Variants in DCAF1 observed in about 807,000 individuals in gnomAD.
DCAF1 encodes DDB1 and CUL4 associated factor 1.
In DCAF1, 15 loss-of-function variants were observed where a neutral mutation model predicts 128.0. The observed-to-expected ratio is 0.12, with a 90% confidence interval of 0.08 to 0.18. The LOEUF is 0.18. DCAF1 is among the 10% of genes least tolerant of loss of function. DCAF1 has a pLI of 1.00. For missense variants in DCAF1, 988 were observed against 1,649.5 expected (o/e 0.60, Z 6.95); for synonymous variants, 610 against 603.0 (o/e 1.01, Z -0.17).
Position 51,441,829 on chromosome 3 carries a change from C to T in DCAF1, c.582G>A (p.Lys194=), listed in dbSNP as rs1553638901. 1.2e-6 allele frequency: 2 copies of T among 1,613,538 alleles called. No individual in the cohort carries two copies. Among genetic ancestry groups the T allele is most frequent in the South Asian group, 1.1e-5 (1 of 91,080 alleles). The change falls in exon 8 of 25, where the codon AAG becomes AAA. Residue 194 remains lysine (K), a synonymous_variant. Coordinates refer to ENST00000684031, the MANE Select transcript of DCAF1 (RefSeq NM_001387579.1). ...LQEVALRQEN[K]RPSPRKLSSE... ...AAGAGAGCTTCCGTGGACTGGGACG[C>T]TTGTTTTCCTGCCGCAAAGCCACTT... is the stretch of plus-strand genomic sequence containing the variant.
At chr3:51,407,927 G>C (rs1198855780) in intron 23 of DCAF1, among the ~76,000 whole-genome samples, 1 of 127,108 alleles carries the variant, frequency 7.9e-6, no homozygotes, top group Non-Finnish European at 1.6e-5. Flanking sequence ...GGAGGTTGCA[G>C]TGAGCCAAGA....
rs1559474297 is a variant in DCAF1 at position 51,407,983 on chromosome 3, T to TAAAAAA, written c.4212+4395_4212+4396insTTTTTT. Among the ~76,000 whole-genome samples the TAAAAAA allele has an allele frequency of 4.1e-3, 12 of 2,958 alleles. 2 individuals are homozygous for TAAAAAA. Among genetic ancestry groups the TAAAAAA allele is most frequent in the Non-Finnish European group, 8.3e-3 (8 of 962 alleles). 1.9% of individuals were successfully genotyped at this position (2,958 alleles called of 152,430 possible). A position where few individuals can be genotyped will look rare whatever the true frequency, so the allele number is the denominator to read the frequency against. ...CTGGGTGACAGGGCGAGACTCCATC[T>TAAAAAA]CAAAAAAAAAAAAAAAAAAAAAAAA... On this transcript the variant is annotated intron_variant, in intron 23 of 24. Coordinates refer to ENST00000684031, the MANE Select transcript of DCAF1 (RefSeq NM_001387579.1).
At chr3:51,444,628 A>T (rs1382960812) in intron 6 of DCAF1, among the ~76,000 whole-genome samples, 3 of 152,044 alleles carry the variant, frequency 2.0e-5, no homozygotes, top group African/African-American at 7.2e-5. Context: ...CTGGGATTAC[A>T]GGCGTGAGCA....
At chr3:51,456,070 G>T (rs1360431023) in intron 6 of DCAF1, among the ~76,000 whole-genome samples, 1 of 152,166 alleles carries the variant, frequency 6.6e-6, no homozygotes, top group Non-Finnish European at 1.5e-5. Context: ...CAGGACAGTG[G>T]GTGCAGTGCA....
intron 23 of DCAF1, among the ~76,000 whole-genome samples, chr3:51,411,911 G>A (rs1392463078): frequency 1.3e-5 from 2 of 151,924 alleles, no homozygotes; most frequent in African/African-American, 4.8e-5. Flanking sequence ...GGAGGTTCGA[G>A]ACCAGCCTGG....
intron 17 of DCAF1, 57 bp downstream of exon 17, chr3:51,418,059 G>T: frequency 6.4e-7 from 1 of 1,551,342 alleles, no homozygotes; most frequent in Admixed American, 2.0e-5. Context: ...ACCAAATGAA[G>T]GGGGGTATAA....
Position 51,488,803 on chromosome 3 carries a change from CA to C in DCAF1, c.-8-4968del, listed in dbSNP as rs879981809. Among the ~76,000 whole-genome samples the C allele has an allele frequency of 8.0e-3, 1,106 of 138,064 alleles. 32 individuals are homozygous for C. The highest frequency in any genetic ancestry group is 0.05 in the Admixed American group (700 of 13,904). The allele number at this position is 138,064 out of a possible 152,430, so 90.6% of individuals were successfully genotyped here. On this transcript the variant is annotated intron_variant, in intron 2 of 24. Transcript: ENST00000684031. Reference sequence around the variant, plus strand: ...AGGTGACAGAGCAAAACTCCGTCTACAAAAAAAAAAAATTATCCGGGCGTGG... The same window carrying C: ...AGGTGACAGAGCAAAACTCCGTCTACAAAAAAAAAAATTATCCGGGCGTGG...
At chr3:51,458,202 G>T (rs1229782019) in intron 6 of DCAF1, among the ~76,000 whole-genome samples, 4 of 152,024 alleles carry the variant, frequency 2.6e-5, no homozygotes, top group African/African-American at 4.8e-5. Flanking sequence ...AGGCTCAAAA[G>T]AAAGGGATGG....
intron 1 of DCAF1, among the ~76,000 whole-genome samples, chr3:51,498,286 G>A (rs1160783101): frequency 6.6e-6 from 1 of 151,038 alleles, no homozygotes; most frequent in African/African-American, 2.4e-5. Flanking sequence ...CTTGAACCTG[G>A]GAGGCGGAGG....
chr3:51,416,394 T>TC (rs1277481940), intron 18 of DCAF1, among the ~76,000 whole-genome samples: 2 of 151,932 alleles, frequency 1.3e-5, no homozygotes, highest in Admixed American at 1.3e-4. Flanking sequence ...AAAAGAGAAG[T>TC]CCCCCACACC....
chr3:51,456,301 C>T (rs1476522188), intron 6 of DCAF1, among the ~76,000 whole-genome samples: 3 of 152,218 alleles, frequency 2.0e-5, no homozygotes, highest in Non-Finnish European at 4.4e-5. Context: ...ACAGAGTCTC[C>T]CTCATTGCTA....
intron 3 of DCAF1, among the ~76,000 whole-genome samples, chr3:51,475,941 G>GTAAGTTAT (rs1705389480): frequency 6.6e-6 from 1 of 152,130 alleles, no homozygotes; most frequent in Non-Finnish European, 1.5e-5. Flanking sequence ...GACACTCTCG[G>GTAAGTTAT]TAAGTTATTT....
intron 5 of DCAF1, among the ~76,000 whole-genome samples, chr3:51,466,158 T>C (rs1231525834): frequency 2.6e-5 from 4 of 152,108 alleles, no homozygotes; most frequent in African/African-American, 9.7e-5. Flanking sequence ...GCCAAGATTG[T>C]GCCACTGCAT....
At chr3:51,496,652 A>G (rs72945741) in intron 2 of DCAF1, among the ~76,000 whole-genome samples, 82 bp downstream of exon 2, 3,050 of 152,068 alleles carry the variant, frequency 0.02, 106 homozygotes, top group African/African-American at 0.07. Flanking sequence ...TGAGGAAACT[A>G]GCTCAGAGAG....
intron 11 of DCAF1, 108 bp from the exon 12 acceptor site, chr3:51,429,578 T>A: frequency 1.5e-6 from 1 of 665,234 alleles, no homozygotes; most frequent in Non-Finnish European, 2.7e-6. Context: ...TTACTTTCCA[T>A]ACATATTCTG....
intron 9 of DCAF1, chr3:51,438,127 G>C (rs782805495): frequency 4.9e-6 from 2 of 404,514 alleles, no homozygotes; most frequent in Admixed American, 7.1e-5. Context: ...GTGTGGTTAT[G>C]CATTTTTTTT....
In DCAF1 at chr3:51,441,515, A is replaced by G; in HGVS notation, c.896T>C (p.Leu299Pro). ...SSDPDRMFVE[L>P]SNSSWSEMSP... is the part of the protein sequence containing the mutation. ...CATTTCTGACCAACTGCTATTAGAC[A>G]GCTCAACAAACATGCGATCTGGATC... Residue 299 changes from leucine (L) to proline (P), a missense_variant, in exon 8 of 25, where the codon CTG becomes CCG. Physicochemically the swap from Leu to Pro is moderately conservative, Grantham distance 98 (BLOSUM62 -3). Around this residue, in one of 11 missense-constraint regions of DCAF1, gnomAD observed 210 missense variants for 260.2 expected, o/e 0.81. Transcript: ENST00000684031. 6.2e-7 allele frequency: 1 copy of G among 1,614,052 alleles called. No homozygotes were observed. The highest frequency in any genetic ancestry group is 8.5e-7 in the Non-Finnish European group (1 of 1,179,900).
chr3:51,454,834 C>A (rs1369671038), intron 6 of DCAF1, among the ~76,000 whole-genome samples: 1 of 151,976 alleles, frequency 6.6e-6, no homozygotes, highest in Non-Finnish European at 1.5e-5. Flanking sequence ...CCACCACACC[C>A]GGCTAATTTT....
chr3:51,458,119 A>C (rs1369338286), intron 6 of DCAF1, among the ~76,000 whole-genome samples: 1 of 152,256 alleles, frequency 6.6e-6, no homozygotes, highest in Non-Finnish European at 1.5e-5. Flanking sequence ...ACAGACTGGC[A>C]AATTGGATAA....
Sources: allele counts gnomAD v4.1 joint callset (sites outside exome capture counted in the v4.1 genomes callset), GRCh38; gene constraint gnomAD v4.1.1; regional missense constraint gnomAD v4.1.1; transcripts MANE v1.5; gene names NCBI Gene and HGNC (gene_info 2026-07-23, HGNC 2026-07-21).